Variants in OPCML observed in about 807,000 individuals in gnomAD.
OPCML encodes the protein opioid-binding protein/cell adhesion molecule.
In OPCML, 13 loss-of-function variants were observed where a neutral mutation model predicts 37.8. The ratio of observed to expected loss-of-function variants is 0.34; its 90% CI spans 0.22 to 0.55. The LOEUF is 0.55. OPCML is among the 20% of genes least tolerant of loss of function. The pLI is 0.91. For synonymous variants in OPCML, 176 were observed against 168.8 expected, an observed-to-expected ratio of 1.04 and a Z score of -0.33; for missense variants, 341 against 435.6, an observed-to-expected ratio of 0.78 and a Z score of 1.93.
At chr11:132,874,912 T>C (rs958378224) in intron 2 of OPCML, among the ~76,000 whole-genome samples, 1 of 152,194 alleles carries the variant, frequency 6.6e-6, no homozygotes, top group Non-Finnish European at 1.5e-5. Context: ...TATTCATCCA[T>C]ATGTTTCTAA....
At chr11:132,756,554 C>T (rs1368718063) in intron 2 of OPCML, among the ~76,000 whole-genome samples, 3 of 152,130 alleles carry the variant, frequency 2.0e-5, no homozygotes, top group African/African-American at 7.2e-5. Context: ...AACTCATTTA[C>T]TTCATAACCT....
At chr11:133,109,276 C>G (rs1006344241) in intron 1 of OPCML, among the ~76,000 whole-genome samples, 4 of 151,062 alleles carry the variant, frequency 2.6e-5, no homozygotes, top group African/African-American at 9.9e-5. Flanking sequence ...TGGGCAGTAG[C>G]AAGGTTTGTT....
chr11:132,601,034 T>A (rs542683838), intron 3 of OPCML, among the ~76,000 whole-genome samples: 1 of 152,206 alleles, frequency 6.6e-6, no homozygotes, highest in Admixed American at 6.6e-5. Flanking sequence ...ATTGCCAATG[T>A]ATAATGTATA....
intron 1 of OPCML, among the ~76,000 whole-genome samples, chr11:133,274,414 G>A (rs1941935446): frequency 6.6e-6 from 1 of 152,208 alleles, no homozygotes; most frequent in African/African-American, 2.4e-5. Flanking sequence ...TGGGACAACA[G>A]AGGCAGGGAC....
rs140080969 is a variant in OPCML at position 133,212,650 on chromosome 11, C to T, written c.62-269640G>A. Among the ~76,000 whole-genome samples, 81 of 152,342 alleles carry T rather than the reference C, an allele frequency of 5.3e-4. 1 individual carries two copies. In the East Asian group the frequency reaches 0.012, roughly 22 times the overall value. On this transcript the variant is annotated intron_variant, in intron 1 of 7. Coordinates refer to ENST00000524381, the MANE Select transcript of OPCML (RefSeq NM_001012393.5). The surrounding 1 kb of genome is among the most constrained non-coding windows in gnomAD (Gnocchi z 4.9). The stretch of plus-strand genomic sequence containing the variant: ...ACAGCCTCTGTGATTTACCTTCTCA[C>T]TGTGACTGTTGTTATTGTCTGTCCT...
chr11:133,162,418 G>C (rs1950155859), intron 1 of OPCML, among the ~76,000 whole-genome samples: 1 of 152,166 alleles, frequency 6.6e-6, no homozygotes, highest in African/African-American at 2.4e-5. Flanking sequence ...CTGAGTTACA[G>C]CAACTCTAGC....
At chr11:133,150,514 G>A (rs117439167) in intron 1 of OPCML, among the ~76,000 whole-genome samples, 1,996 of 152,214 alleles carry the variant, frequency 0.013, 19 homozygotes, top group South Asian at 0.027. Context: ...TGTTGTTTTC[G>A]GAATCCATGC....
chr11:132,500,415 C>T (rs1469650033), intron 4 of OPCML, among the ~76,000 whole-genome samples: 1 of 152,160 alleles, frequency 6.6e-6, no homozygotes, highest in Non-Finnish European at 1.5e-5. Context: ...TATGTAACTC[C>T]TGAACTTAAC....
intron 4 of OPCML, among the ~76,000 whole-genome samples, chr11:132,480,993 C>T (rs57355412): frequency 0.02 from 2,998 of 151,556 alleles, 90 homozygotes; most frequent in East Asian, 0.065. Context: ...AACATCATAA[C>T]GACAGGATCA....
At chr11:132,425,048 G>A (rs1334397871) in intron 7 of OPCML, among the ~76,000 whole-genome samples, 1 of 152,188 alleles carries the variant, frequency 6.6e-6, no homozygotes, top group Non-Finnish European at 1.5e-5. Flanking sequence ...CTAGGTCAAA[G>A]GGTAATGTGT....
chr11:133,328,535 C>G (rs1246492937), intron 1 of OPCML, among the ~76,000 whole-genome samples: 1 of 152,178 alleles, frequency 6.6e-6, no homozygotes, highest in Non-Finnish European at 1.5e-5. Flanking sequence ...CTCAAAACCT[C>G]AGTTTTCATC....
At chr11:133,404,079 C>T (rs764331126) in intron 1 of OPCML, among the ~76,000 whole-genome samples, 27 of 152,192 alleles carry the variant, frequency 1.8e-4, no homozygotes, top group Admixed American at 3.3e-4. Flanking sequence ...CTGTGCTCTG[C>T]GGCTCTGCTC....
chr11:133,020,486 T>C (rs1237918525), intron 1 of OPCML, among the ~76,000 whole-genome samples: 1 of 152,218 alleles, frequency 6.6e-6, no homozygotes, highest in African/African-American at 2.4e-5. Context: ...AGACATTGGC[T>C]CAGCACTGAG....
chr11:133,407,821 TC>T (rs1454364591), intron 1 of OPCML, among the ~76,000 whole-genome samples: 1 of 152,102 alleles, frequency 6.6e-6, no homozygotes, highest in African/African-American at 2.4e-5. Context: ...CTTTATCCTT[TC>T]CCCAGACCTC....
At chr11:132,570,755 GTATATATATATATA>G (rs71477765) in intron 3 of OPCML, among the ~76,000 whole-genome samples, 403 of 30,118 alleles carry the variant, frequency 0.013, 19 homozygotes, top group East Asian at 0.079. Context: ...AGGAAAGAGA[GTATATATATATATA>G]TATATATATA....
intron 2 of OPCML, among the ~76,000 whole-genome samples, chr11:132,897,063 G>T (rs1943878161): frequency 6.6e-6 from 1 of 152,214 alleles, no homozygotes; most frequent in Admixed American, 6.5e-5. Context: ...CAGAACAGAA[G>T]GCTCTACAGC....
At chr11:132,460,601 G>A (rs1016931008) in intron 4 of OPCML, among the ~76,000 whole-genome samples, 5 of 152,140 alleles carry the variant, frequency 3.3e-5, no homozygotes, top group Admixed American at 6.5e-5. Flanking sequence ...TATCTTGATG[G>A]CAAAGAAGAA....
chr11:133,464,487 T>C (rs895224590), intron 1 of OPCML, among the ~76,000 whole-genome samples: 12 of 152,138 alleles, frequency 7.9e-5, no homozygotes, highest in South Asian at 2.1e-4. Flanking sequence ...GAGACCCTCA[T>C]TGGATGTGGA....
chr11:132,840,197 T>G (rs1006934421), intron 2 of OPCML, among the ~76,000 whole-genome samples: 1 of 152,178 alleles, frequency 6.6e-6, no homozygotes, highest in Admixed American at 6.5e-5. Context: ...TGACGGCATT[T>G]AGCTTGCATG....
Sources: allele counts gnomAD v4.1 joint callset (sites outside exome capture counted in the v4.1 genomes callset), GRCh38; gene constraint gnomAD v4.1.1; non-coding constraint Gnocchi (gnomAD v3.1); transcripts MANE v1.5; gene names NCBI Gene and HGNC (gene_info 2026-07-23, HGNC 2026-07-21).